Variants in SHCBP1L observed in about 807,000 individuals in gnomAD.
The protein encoded by SHCBP1L is SHC binding and spindle associated 1 like.
A neutral mutation model predicts 62.5 loss-of-function variants in SHCBP1L; 67 were observed. The ratio of observed to expected loss-of-function variants is 1.07; its 90% CI spans 0.88 to 1.31. The LOEUF (loss-of-function observed/expected upper bound fraction) is 1.31, where lower values mean the gene tolerates loss of function less well. Among genes scored for constraint, SHCBP1L ranks in the 40% most tolerant of loss-of-function variants. The pLI is 0.00. For missense variants in SHCBP1L, 823 were observed against 809.8 expected, an observed-to-expected ratio of 1.02 and a Z score of -0.20; for synonymous variants, 284 against 289.4, an observed-to-expected ratio of 0.98 and a Z score of 0.19.
At chr1:182,912,745 A>G (rs1571339624) in intron 6 of SHCBP1L, among the ~76,000 whole-genome samples, 1 of 149,960 alleles carries the variant, frequency 6.7e-6, no homozygotes, top group Middle Eastern at 3.5e-3. Flanking sequence ...CTGGTCTCAA[A>G]CTCCTGACCT....
At chr1:182,925,003 A>G (rs920173498) in intron 6 of SHCBP1L, among the ~76,000 whole-genome samples, 1 of 144,262 alleles carries the variant, frequency 6.9e-6, no homozygotes, top group Admixed American at 6.9e-5. Flanking sequence ...AAAGGAAGGA[A>G]GAAAGGAAGG....
intron 6 of SHCBP1L, among the ~76,000 whole-genome samples, chr1:182,911,080 G>A (rs1305594601): frequency 5.3e-5 from 8 of 151,956 alleles, no homozygotes; most frequent in Admixed American, 5.3e-4. Flanking sequence ...AGTAGAGGTG[G>A]GGTTTCACCA....
intron 2 of SHCBP1L, among the ~76,000 whole-genome samples, chr1:182,950,365 T>A (rs1651705968): frequency 6.6e-6 from 1 of 152,112 alleles, no homozygotes; most frequent in Non-Finnish European, 1.5e-5. Flanking sequence ...CAGTGACTCA[T>A]GCCTGTAATC....
intron 5 of SHCBP1L, among the ~76,000 whole-genome samples, chr1:182,932,270 T>C (rs749628733): frequency 2.6e-5 from 4 of 152,008 alleles, no homozygotes; most frequent in Non-Finnish European, 5.9e-5. Context: ...ATGTGCAGGT[T>C]TTTGTGTGAA....
At chr1:182,900,870 C>CA (rs934522222) in intron 9 of SHCBP1L, among the ~76,000 whole-genome samples, 8 of 149,176 alleles carry the variant, frequency 5.4e-5, no homozygotes, top group African/African-American at 2.0e-4. Context: ...CTATTCTCCA[C>CA]AAAAAGAAAA....
At chr1:182,951,258 T>C in intron 2 of SHCBP1L, 60 bp downstream of exon 2, 1 of 1,280,090 alleles carries the variant, frequency 7.8e-7, no homozygotes, top group Non-Finnish European at 1.1e-6. Flanking sequence ...AATAAAGTCA[T>C]ATTTTAGTCT....
chr1:182,933,076 C>A (rs979420582), intron 5 of SHCBP1L, among the ~76,000 whole-genome samples: 32 of 151,500 alleles, frequency 2.1e-4, no homozygotes, highest in African/African-American at 7.5e-4. Flanking sequence ...TGGCTAATTT[C>A]TGTATTTTTA....
chr1:182,913,135 A>C (rs576194812), intron 6 of SHCBP1L, among the ~76,000 whole-genome samples: 122 of 152,060 alleles, frequency 8.0e-4, no homozygotes, highest in Non-Finnish European at 4.4e-5. Context: ...ACTCCATCTC[A>C]AAAAATTAAT....
chr1:182,939,263 G>C lies in SHCBP1L; in HGVS notation c.989C>G (p.Ala330Gly). The change falls in exon 5 of 10, where the codon GCA (alanine) becomes GGA (glycine). Residue 330 changes from alanine to glycine, a missense_variant. By Grantham distance (60) the Ala-to-Gly change is moderately conservative. Transcript: ENST00000367547. ...TTTCCAGCATTCAACAGCCTCTGCTGCAGATGGATCTTCTTTAATATTGCT... is the reference window on the plus strand; with the variant it reads ...TTTCCAGCATTCAACAGCCTCTGCTCCAGATGGATCTTCTTTAATATTGCT... ...YQSNIKEDPS[A>G]AEAVECWKKY... 6 of 1,613,942 alleles carry C rather than the reference G, an allele frequency of 3.7e-6. No individual in the cohort carries two copies. Among genetic ancestry groups the C allele is most frequent in the Non-Finnish European group, 5.1e-6 (6 of 1,179,912 alleles).
At position 182,905,573 on chromosome 1, in the gene SHCBP1L, C is replaced by A; in HGVS notation, c.1259G>T (p.Gly420Val). The A allele has an allele frequency of 6.2e-7, 1 of 1,613,692 alleles. No individual in the cohort carries two copies. Among genetic ancestry groups the A allele is most frequent in the Non-Finnish European group, 8.5e-7 (1 of 1,179,770 alleles). ...LDLALDNCYS[G>V]DTVIIFPGEY... ...TCCTGGAAAAATTATTACTGTATCT[C>A]CACTATAACAATTATCCAAAGCCAA... The change falls in exon 7 of 10, where the codon GGA becomes GTA. Residue 420 changes from glycine to valine, a missense_variant. Transcript: ENST00000367547.
chr1:182,927,721 C>CTA (rs758622804), intron 6 of SHCBP1L, among the ~76,000 whole-genome samples: 41 of 150,410 alleles, frequency 2.7e-4, no homozygotes, highest in Non-Finnish European at 5.6e-4. Context: ...TACTATCAAG[C>CTA]TATATTTCAT....
chr1:182,938,777 CTT>C (rs772036077), intron 5 of SHCBP1L, among the ~76,000 whole-genome samples: 2 of 152,192 alleles, frequency 1.3e-5, no homozygotes, highest in Non-Finnish European at 2.9e-5. Flanking sequence ...TCCAGCCTGT[CTT>C]TGTGCTTCTT....
chr1:182,924,965 AG>A (rs1650685315), intron 6 of SHCBP1L, among the ~76,000 whole-genome samples: 2 of 132,270 alleles, frequency 1.5e-5, no homozygotes, highest in African/African-American at 5.7e-5. Flanking sequence ...AAAGAAAGAA[AG>A]AAAGAAAGAA....
chr1:182,940,289 A>T, intron 3 of SHCBP1L, 40 bp downstream of exon 3: 1 of 1,536,568 alleles, frequency 6.5e-7, no homozygotes, highest in Admixed American at 1.8e-5. Flanking sequence ...TAACTTTTGG[A>T]TATAATAAAT....
At chr1:182,944,143 A>AATAC (rs1406649325) in intron 2 of SHCBP1L, among the ~76,000 whole-genome samples, 2 of 149,944 alleles carry the variant, frequency 1.3e-5, no homozygotes, top group African/African-American at 4.9e-5. Flanking sequence ...TAAATAAATA[A>AATAC]ATAAATAAAT....
Position 182,940,464 on chromosome 1 carries a change from A to T in SHCBP1L, c.635T>A (p.Ile212Asn). ...VSVAEPFSSN[I>N]ANIPRDLVDE... is the part of the protein sequence containing the mutation. ...AACCAAATCTCTTGGAATATTTGCA[A>T]TGTTGGAAGAAAAGGGCTCAGCAAC... is the stretch of plus-strand genomic sequence containing the variant. Residue 212 changes from isoleucine to asparagine, a missense_variant, in exon 3 of 10, where the codon ATT becomes AAT. Coordinates refer to ENST00000367547, the MANE Select transcript of SHCBP1L (RefSeq NM_030933.4). 4.3e-6 allele frequency: 7 copies of T among 1,613,992 alleles called. No homozygotes were observed. Among genetic ancestry groups the T allele is most frequent in the Non-Finnish European group, 5.9e-6 (7 of 1,179,962 alleles).
intron 6 of SHCBP1L, among the ~76,000 whole-genome samples, chr1:182,924,852 G>A (rs904804599): frequency 2.1e-5 from 3 of 144,312 alleles, no homozygotes; most frequent in Non-Finnish European, 4.5e-5. Flanking sequence ...AGGAAGGGAG[G>A]GAGGAAGGAA....
chr1:182,941,037 C>G (rs4400571), intron 2 of SHCBP1L, among the ~76,000 whole-genome samples: 35,529 of 151,756 alleles, frequency 0.23, 7,317 homozygotes, highest in African/African-American at 0.56. Flanking sequence ...AAAAATTTTT[C>G]AACAAATTTT....
chr1:182,935,412 G>C (rs1336017257), intron 5 of SHCBP1L, among the ~76,000 whole-genome samples: 1 of 151,874 alleles, frequency 6.6e-6, no homozygotes, highest in Non-Finnish European at 1.5e-5. Flanking sequence ...CACATTTTTG[G>C]TTCTATTGTC....
Sources: allele counts gnomAD v4.1 joint callset (sites outside exome capture counted in the v4.1 genomes callset), GRCh38; gene constraint gnomAD v4.1.1; transcripts MANE v1.5; gene names NCBI Gene and HGNC (gene_info 2026-07-23, HGNC 2026-07-21).